SUCO: variants seen among roughly 807,000 people sequenced by gnomAD.
The protein encoded by SUCO is SUN domain containing ossification factor.
SUCO carries 57 observed loss-of-function variants against 148.1 expected under a neutral mutation model. That is an observed-to-expected ratio of 0.38 (90% CI 0.31 to 0.48). The LOEUF is 0.48. Among genes scored for constraint, SUCO ranks in the 20% least tolerant of loss-of-function variants. The pLI is 0.96. For synonymous variants in SUCO, 470 were observed against 502.7 expected (o/e 0.93, Z 0.87); for missense variants, 1,331 against 1,468.2 (o/e 0.91, Z 1.53).
intron 1 of SUCO, among the ~76,000 whole-genome samples, chr1:172,535,583 A>G (rs984559544): frequency 6.6e-6 from 1 of 152,196 alleles, no homozygotes; most frequent in Non-Finnish European, 1.5e-5. Flanking sequence ...TCTTTTCCCA[A>G]CAACCTCATT....
chr1:172,537,413 AG>A (rs1339779499), intron 1 of SUCO, among the ~76,000 whole-genome samples: 1 of 152,178 alleles, frequency 6.6e-6, no homozygotes, highest in Non-Finnish European at 1.5e-5. Flanking sequence ...TCAACTACTT[AG>A]GAGTCAGCCC....
intron 1 of SUCO, chr1:172,550,681 C>A (rs1653225770): frequency 6.5e-6 from 1 of 154,582 alleles, no homozygotes; most frequent in South Asian, 2.1e-4. Context: ...TTTTAGGTTT[C>A]CTCACTAAAT....
At position 172,589,903 on chromosome 1, in the gene SUCO, C is replaced by A. The variant is rs1656517182; in HGVS notation, c.2802C>A (p.Arg934=). Residue 934 remains arginine, a synonymous_variant, in exon 18 of 24, where the codon CGC becomes CGA. Transcript: ENST00000263688. ...AAGTTAACATGTCTCTCAGTGGTCG[C>A]TATCTGGAGGAGCTTAGCCAAAGGT... ...ALEVNMSLSG[R]YLEELSQRYR... is the part of the protein sequence containing the mutation. The A allele has an allele frequency of 5.2e-6, 8 of 1,528,402 alleles. No homozygotes were observed. Among genetic ancestry groups the A allele is most frequent in the Non-Finnish European group, 7.0e-6 (8 of 1,149,600 alleles). 94.7% of individuals were successfully genotyped at this position (1,528,402 alleles called of 1,614,324 possible).
At chr1:172,594,118 G>A in intron 19 of SUCO, among the ~76,000 whole-genome samples, 1 of 152,134 alleles carries the variant, frequency 6.6e-6, no homozygotes, top group Admixed American at 6.5e-5. Flanking sequence ...GATTGGTGGT[G>A]ATATCCCCTT....
chr1:172,580,139 C>A (rs1020109469), intron 15 of SUCO, among the ~76,000 whole-genome samples: 6 of 152,002 alleles, frequency 3.9e-5, no homozygotes, highest in Non-Finnish European at 8.8e-5. Context: ...TTACCTCTTT[C>A]ATCTCTCCTT....
At chr1:172,589,978 G>A in intron 18 of SUCO, 52 bp downstream of exon 18, 1 of 1,400,028 alleles carries the variant, frequency 7.1e-7, no homozygotes, top group Non-Finnish European at 9.5e-7. Flanking sequence ...GAGTTAAGCA[G>A]CATAGAGTAT....
At chr1:172,608,690 A>G (rs998393821) in intron 22 of SUCO, 57 bp from the exon 23 acceptor site, 2 of 1,170,988 alleles carry the variant, frequency 1.7e-6, no homozygotes, top group African/African-American at 1.6e-5. Flanking sequence ...TAATTATAGC[A>G]AATCCACCAA....
intron 1 of SUCO, among the ~76,000 whole-genome samples, chr1:172,534,103 T>C (rs1359967105): frequency 6.6e-6 from 1 of 152,118 alleles, no homozygotes; most frequent in Non-Finnish European, 1.5e-5. Flanking sequence ...GTGTCTTAGA[T>C]GTAGTGTGTG....
rs1185056472 is a variant in SUCO, at chr1:172,575,485, T to C, written c.1158-33T>C. The C allele has an allele frequency of 2.7e-6, 4 of 1,479,026 alleles. No individual in the cohort carries two copies. In the African/African-American group the frequency reaches 5.7e-5, roughly 21 times the overall value. The allele number at this position is 1,479,026 out of a possible 1,614,324, so 91.6% of individuals were successfully genotyped here. ...ACCTTTCAATATGTGGTTTATAATT[T>C]TTAAAAAAGAACATATTGCTTATAT... On this transcript the variant is annotated intron_variant, in intron 10 of 23. Transcript: ENST00000263688.
chr1:172,590,423 AT>A, intron 18 of SUCO: 1 of 944,430 alleles, frequency 1.1e-6, no homozygotes. Context: ...AGTTGTAATA[AT>A]TTCTGCTTTT....
chr1:172,577,121 G>GCACA, intron 11 of SUCO: 27 of 429,120 alleles, frequency 6.3e-5, no homozygotes, highest in Non-Finnish European at 7.8e-5. Flanking sequence ...GAATATATAT[G>GCACA]TATATGTGCA....
chr1:172,602,646 A>G, intron 21 of SUCO, 50 bp from the exon 22 acceptor site: 1 of 1,597,396 alleles, frequency 6.3e-7, no homozygotes. Flanking sequence ...AGAGTAAATT[A>G]TATGTGCTTT....
rs1006078029 is a variant in SUCO, at chr1:172,589,165, G to A, written c.2064G>A (p.Thr688=). The A allele has an allele frequency of 9.9e-6, 16 of 1,613,810 alleles. No homozygotes were observed. Among genetic ancestry groups the A allele is most frequent in the Middle Eastern group, 1.6e-4 (1 of 6,080 alleles). The change falls in exon 18 of 24, where the codon ACG becomes ACA. Residue 688 remains threonine, a synonymous_variant. Transcript: ENST00000263688. The part of the protein sequence containing the change: ...LQPLSGELEN[T]NIEREAETVV... ...CTCTGAGTGGAGAATTGGAAAATAC[G>A]AATATAGAAAGGGAAGCTGAAACTG...
chr1:172,558,058 T>G (rs1023560304), intron 6 of SUCO, among the ~76,000 whole-genome samples: 35 of 152,164 alleles, frequency 2.3e-4, no homozygotes, highest in African/African-American at 8.2e-4. Flanking sequence ...CACAGCTGTT[T>G]GATAGCAGAT....
chr1:172,536,680 ACCT>A (rs1256508888), intron 1 of SUCO, among the ~76,000 whole-genome samples: 5 of 152,146 alleles, frequency 3.3e-5, no homozygotes, highest in African/African-American at 1.2e-4. Context: ...CACATTTATT[ACCT>A]TACAATTCTG....
At chr1:172,551,701 G>A (rs899113540) in intron 2 of SUCO, 75 bp downstream of exon 2, 5 of 933,900 alleles carry the variant, frequency 5.4e-6, no homozygotes, top group South Asian at 1.8e-5. Flanking sequence ...CAGAATAAAA[G>A]TAATTTCAAA....
At chr1:172,542,487 C>G (rs1022951063) in intron 1 of SUCO, among the ~76,000 whole-genome samples, 1 of 152,322 alleles carries the variant, frequency 6.6e-6, no homozygotes, top group East Asian at 1.9e-4. Context: ...GGACCCTGAC[C>G]TCACAACAGG....
chr1:172,581,014 C>T (rs369585794), intron 15 of SUCO, among the ~76,000 whole-genome samples: 1 of 152,050 alleles, frequency 6.6e-6, no homozygotes, highest in Non-Finnish European at 1.5e-5. Context: ...GCAGGAGAAT[C>T]GCTTGAACCC....
At chr1:172,549,962 A>G (rs1653165630) in intron 1 of SUCO, among the ~76,000 whole-genome samples, 1 of 151,762 alleles carries the variant, frequency 6.6e-6, no homozygotes, top group African/African-American at 2.4e-5. Context: ...TAAATCCCCA[A>G]AGTCTGTCTT....
Sources: allele counts gnomAD v4.1 joint callset (sites outside exome capture counted in the v4.1 genomes callset), GRCh38; gene constraint gnomAD v4.1.1; transcripts MANE v1.5; gene names NCBI Gene and HGNC (gene_info 2026-07-23, HGNC 2026-07-21).